Variants in SHC3 observed in about 807,000 individuals in gnomAD.
SHC3 encodes the protein SHC-transforming protein 3.
SHC3 carries 15 observed loss-of-function variants against 60.4 expected under a neutral mutation model. That is an observed-to-expected ratio of 0.25 (90% confidence interval 0.17 to 0.38). The LOEUF is 0.38. Ranked by LOEUF, SHC3 falls within the 10% of genes least tolerant of loss-of-function variation. The pLI is 1.00. For synonymous variants in SHC3, 294 were observed against 325.9 expected (o/e 0.90, Z 1.05); for missense variants, 677 against 786.1 (o/e 0.86, Z 1.66).
chr9:89,046,671 C>A (rs1365415414), intron 8 of SHC3, among the ~76,000 whole-genome samples, 173 bp downstream of exon 8: 9 of 152,178 alleles, frequency 5.9e-5, no homozygotes. Flanking sequence ...TGATGTTAAC[C>A]CAAAGCCTCT....
intron 5 of SHC3, among the ~76,000 whole-genome samples, chr9:89,069,805 G>A (rs971297205): frequency 6.6e-6 from 1 of 152,280 alleles, no homozygotes; most frequent in African/African-American, 2.4e-5. Context: ...CTGTTGCTGA[G>A]ATTCGTGGCC....
intron 2 of SHC3, among the ~76,000 whole-genome samples, chr9:89,087,469 T>C (rs529110126): frequency 6.6e-6 from 1 of 152,198 alleles, no homozygotes; most frequent in East Asian, 1.9e-4. Context: ...CCCCTGCTCT[T>C]GGGGTGCCTG....
chr9:89,079,324 T>C lies in SHC3; in HGVS notation c.546-1421A>G, dbSNP rs541618698. On this transcript the variant is annotated intron_variant, in intron 2 of 11. Coordinates refer to ENST00000375835, the MANE Select transcript of SHC3 (RefSeq NM_016848.6). ...CAGAACTATATAAACCCATTATCTA[T>C]ATTTTATGTTTAATTTTTAGAAAAC... Among the ~76,000 whole-genome samples, 195 of 152,356 alleles carry C rather than the reference T, an allele frequency of 1.3e-3. 2 individuals are homozygous for C. Among genetic ancestry groups the C allele is most frequent in the African/African-American group, 4.6e-3 (191 of 41,580 alleles).
intron 1 of SHC3, among the ~76,000 whole-genome samples, chr9:89,164,938 C>G (rs975948230): frequency 1.3e-5 from 2 of 152,110 alleles, no homozygotes; most frequent in African/African-American, 4.8e-5. Context: ...AAGGAATAAA[C>G]TTAGTATACA....
intron 1 of SHC3, among the ~76,000 whole-genome samples, chr9:89,169,000 A>G (rs1373995343): frequency 6.6e-6 from 1 of 152,198 alleles, no homozygotes; most frequent in Admixed American, 6.5e-5. Flanking sequence ...TGGAACTGAC[A>G]CCATAAGCTT....
At chr9:89,075,297 G>A in intron 3 of SHC3, 69 bp from the exon 4 acceptor site, 2 of 1,573,678 alleles carry the variant, frequency 1.3e-6, no homozygotes, top group African/African-American at 1.3e-5. Flanking sequence ...GTGGATGCCT[G>A]CCATACCCCT....
At chr9:89,057,239 C>G (rs1373001898) in intron 6 of SHC3, among the ~76,000 whole-genome samples, 1 of 152,044 alleles carries the variant, frequency 6.6e-6, no homozygotes, top group African/African-American at 2.4e-5. Context: ...GCTCCTCAAT[C>G]TCTGACTGGT....
chr9:89,083,196 C>T (rs1369695315), intron 2 of SHC3, among the ~76,000 whole-genome samples: 1 of 152,202 alleles, frequency 6.6e-6, no homozygotes, highest in East Asian at 1.9e-4. Flanking sequence ...GACAGGATAA[C>T]ACAGTCACAC....
chr9:89,041,815 G>T (rs1824691119), intron 10 of SHC3, among the ~76,000 whole-genome samples: 1 of 152,152 alleles, frequency 6.6e-6, no homozygotes, highest in Admixed American at 6.5e-5. Context: ...CCAAAAAGAG[G>T]GGGAAATTGC....
intron 1 of SHC3, among the ~76,000 whole-genome samples, chr9:89,166,349 G>A (rs1826789229): frequency 6.6e-6 from 1 of 152,178 alleles, no homozygotes; most frequent in Non-Finnish European, 1.5e-5. Flanking sequence ...GCCTAGCACA[G>A]AATAGGGGTT....
In SHC3 at chr9:89,013,297, G is replaced by A; in HGVS notation, c.*150C>T. ...ATGAGAAATTCAGAACCAAGTTTAT[G>A]AAACTTGACCTTAAAGGAAGCCTTC... On this transcript the variant is annotated 3_prime_UTR_variant, in exon 12 of 12. Transcript: ENST00000375835. The A allele has an allele frequency of 1.0e-6, 1 of 955,794 alleles. No individual in the cohort carries two copies. Among genetic ancestry groups the A allele is most frequent in the South Asian group, 3.2e-5 (1 of 31,268 alleles). The allele number at this position is 955,794 out of a possible 1,614,324, so 59.2% of individuals were successfully genotyped here.
chr9:89,085,175 C>A lies in SHC3; in HGVS notation c.546-7272G>T, dbSNP rs546347024. 1.5e-4 allele frequency among the ~76,000 whole-genome samples: 23 copies of A among 152,346 alleles called. 1 individual carries two copies. In the South Asian group the frequency reaches 4.8e-3, roughly 32 times the overall value. On this transcript the variant is annotated intron_variant, in intron 2 of 11. Transcript: ENST00000375835. ...AAAAGGGGACCACTGTGGTGCCTGA[C>A]ACCAGGCTGGGACTTGTTCTAAGTG... is the stretch of plus-strand genomic sequence containing the variant.
intron 1 of SHC3, among the ~76,000 whole-genome samples, chr9:89,142,841 G>C (rs921834903): frequency 6.6e-6 from 1 of 151,878 alleles, no homozygotes; most frequent in Non-Finnish European, 1.5e-5. Context: ...ATTTTCCTTC[G>C]GGTCGAGGGT....
intron 6 of SHC3, among the ~76,000 whole-genome samples, chr9:89,063,003 A>T (rs796348685): frequency 5.3e-5 from 8 of 152,344 alleles, no homozygotes; most frequent in African/African-American, 1.7e-4. Flanking sequence ...CCACACTGTC[A>T]TCCGGTAGGC....
In SHC3 at chr9:89,008,838, A is replaced by G. The variant is rs935240295; in HGVS notation, c.*4609T>C. ...TGTGCACATGACGGTAACTTACTTG[A>G]TAATGCACGCCTTCCCCGTCAGCTT... On this transcript the variant is annotated 3_prime_UTR_variant, in exon 12 of 12. Coordinates refer to ENST00000375835, the MANE Select transcript of SHC3 (RefSeq NM_016848.6). 6.6e-6 allele frequency: 1 copy of G among 152,176 alleles called. No individual in the cohort carries two copies. The highest frequency in any genetic ancestry group is 6.5e-5 in the Admixed American group (1 of 15,278). 9.4% of individuals were successfully genotyped at this position (152,176 alleles called of 1,614,324 possible).
chr9:89,150,221 C>T (rs911959912), intron 1 of SHC3, among the ~76,000 whole-genome samples: 1 of 152,130 alleles, frequency 6.6e-6, no homozygotes, highest in Non-Finnish European at 1.5e-5. Flanking sequence ...ATCACAGATA[C>T]CCACTGGGGG....
At chr9:89,141,326 G>A (rs923856451) in intron 1 of SHC3, among the ~76,000 whole-genome samples, 2 of 152,126 alleles carry the variant, frequency 1.3e-5, no homozygotes, top group Non-Finnish European at 2.9e-5. Context: ...CTATCCTACG[G>A]TACCCTTCTT....
At chr9:89,041,594 T>G (rs1824688229) in intron 10 of SHC3, among the ~76,000 whole-genome samples, 1 of 152,216 alleles carries the variant, frequency 6.6e-6, no homozygotes, top group South Asian at 2.1e-4. Context: ...AGAGGTGTGT[T>G]GCAATTTCTT....
chr9:89,077,324 G>A (rs1474438170), intron 3 of SHC3, among the ~76,000 whole-genome samples: 2 of 152,218 alleles, frequency 1.3e-5, no homozygotes, highest in Non-Finnish European at 2.9e-5. Flanking sequence ...ATACAACCAT[G>A]AGCTACTACA....
Sources: gnomAD v4.1 joint callset for allele counts (sites outside exome capture counted in the v4.1 genomes callset) on GRCh38, gnomAD v4.1.1 for gene constraint, MANE v1.5 for transcripts, NCBI Gene and HGNC (gene_info 2026-07-23, HGNC 2026-07-21) for gene names.